The following MED28 variants were observed in gnomAD, a reference collection of about 807,000 sequenced individuals.
The protein encoded by MED28 is mediator of RNA polymerase II transcription subunit 28.
In MED28, 26 loss-of-function variants were observed where a neutral mutation model predicts 21.3. That is an observed-to-expected ratio of 1.22 (90% confidence interval 0.89 to 1.69). The LOEUF is 1.69. MED28 is among the 40% of genes most tolerant of loss of function. The pLI, the probability that MED28 is intolerant of heterozygous loss-of-function variation, is 0.00. For synonymous variants in MED28, 110 were observed against 87.6 expected (o/e 1.26, Z -1.43); for missense variants, 257 against 215.4 (o/e 1.19, Z -1.21).
intron 2 of MED28, among the ~76,000 whole-genome samples, chr4:17,620,470 A>G (rs1714590813): frequency 6.6e-6 from 1 of 151,800 alleles, no homozygotes; most frequent in South Asian, 2.1e-4. Context: ...CGTAGATGGA[A>G]CTACAGGCAT....
At chr4:17,622,941 C>T (rs1288259623) in intron 3 of MED28, among the ~76,000 whole-genome samples, 1 of 152,046 alleles carries the variant, frequency 6.6e-6, no homozygotes, top group African/African-American at 2.4e-5. Context: ...AAGACTTGCC[C>T]CCGTGATTCA....
At position 17,625,648 on chromosome 4, in the gene MED28, GT is replaced by G. The variant is rs1714755061; in HGVS notation, c.*1853del. ...AAATAACAATTTTTCAATCTTCTCT[GT>G]TTGTAGACATCTTACTGGGTGATGA... On this transcript the variant is annotated 3_prime_UTR_variant, in exon 4 of 4. Coordinates refer to ENST00000237380, the MANE Select transcript of MED28 (RefSeq NM_025205.5). The G allele has an allele frequency of 2.2e-6, 1 of 447,384 alleles. No individual in the cohort carries two copies. Among genetic ancestry groups the G allele is most frequent in the South Asian group, 1.6e-5 (1 of 62,574 alleles). 27.7% of individuals were successfully genotyped at this position (447,384 alleles called of 1,614,324 possible). A position where few individuals can be genotyped will look rare whatever the true frequency, so the allele number is the denominator to read the frequency against.
At position 17,632,853 on chromosome 4, in the gene MED28, A is replaced by G. The variant is rs1226544292; in HGVS notation, c.*9055A>G. 1 of 401,180 alleles carries G rather than the reference A, an allele frequency of 2.5e-6. No homozygotes were observed. The allele number at this position is 401,180 out of a possible 1,614,324, so 24.9% of individuals were successfully genotyped here. The stretch of plus-strand genomic sequence containing the variant: ...AAGGTTCACCATTGTTTGGTTCTCC[A>G]TTGTTCCTTTGAGACTTAGTGGTTG... On this transcript the variant is annotated 3_prime_UTR_variant, in exon 4 of 4. Transcript: ENST00000237380.
chr4:17,618,286 C>T (rs997177648), intron 1 of MED28, among the ~76,000 whole-genome samples: 2 of 152,090 alleles, frequency 1.3e-5, no homozygotes, highest in Non-Finnish European at 2.9e-5. Flanking sequence ...TGCTTACAGG[C>T]GTCAGCCACC....
rs1714817521 is a variant in MED28, at chr4:17,628,228, C to T, written c.*4430C>T. The T allele has an allele frequency of 1.3e-5, 2 of 149,064 alleles. No individual in the cohort carries two copies. The highest frequency in any genetic ancestry group is 5.0e-5 in the African/African-American group (2 of 39,724). The allele number at this position is 149,064 out of a possible 1,614,324, so 9.2% of individuals were successfully genotyped here. The stretch of plus-strand genomic sequence containing the variant: ...CACTCACAAAATACCAAACATCCTT[C>T]TGCTGGTTAAAACGAGTGACAGCTG... On this transcript the variant is annotated 3_prime_UTR_variant, in exon 4 of 4. Transcript: ENST00000237380.
Position 17,633,528 on chromosome 4 carries a change from C to T in MED28, c.*9730C>T. On this transcript the variant is annotated 3_prime_UTR_variant, in exon 4 of 4. Transcript: ENST00000237380. ...AGATGGAGTCCACCTTTTGTATAACCCATGCTGAAGTTTTCAGGTAAGTGA... is the reference window on the plus strand; with the variant it reads ...AGATGGAGTCCACCTTTTGTATAACTCATGCTGAAGTTTTCAGGTAAGTGA... The T allele has an allele frequency of 3.3e-6, 2 of 605,882 alleles. No homozygotes were observed. Among genetic ancestry groups the T allele is most frequent in the East Asian group, 3.1e-5 (1 of 31,890 alleles). The allele number at this position is 605,882 out of a possible 1,614,324, so 37.5% of individuals were successfully genotyped here. A position where few individuals can be genotyped will look rare whatever the true frequency, so the allele number is the denominator to read the frequency against.
At position 17,629,250 on chromosome 4, in the gene MED28, A is replaced by C. The variant is rs1475749872; in HGVS notation, c.*5452A>C. The C allele has an allele frequency of 6.6e-6, 1 of 152,414 alleles. No homozygotes were observed. The highest frequency in any genetic ancestry group is 1.9e-4 in the East Asian group (1 of 5,194). 9.4% of individuals were successfully genotyped at this position (152,414 alleles called of 1,614,324 possible). ...TCCGTCTCAAAAACAAACACACAGT[A>C]CTGCATCCTGGGGGTGGAGGTGAGG... On this transcript the variant is annotated 3_prime_UTR_variant, in exon 4 of 4. Coordinates refer to ENST00000237380, the MANE Select transcript of MED28 (RefSeq NM_025205.5).
chr4:17,632,616 A>G lies in MED28; in HGVS notation c.*8818A>G. The G allele has an allele frequency of 6.5e-7, 1 of 1,547,396 alleles. No homozygotes were observed. Among genetic ancestry groups the G allele is most frequent in the Non-Finnish European group, 8.7e-7 (1 of 1,145,572 alleles). On this transcript the variant is annotated 3_prime_UTR_variant, in exon 4 of 4. Coordinates refer to ENST00000237380, the MANE Select transcript of MED28 (RefSeq NM_025205.5). The stretch of plus-strand genomic sequence containing the variant: ...CTTCTTTGGCTTGGGCCGTTTCACC[A>G]TCTGGGGTCCTAAAAGCAAAAAAAG...
intron 2 of MED28, among the ~76,000 whole-genome samples, chr4:17,621,351 A>G (rs1714623752): frequency 6.6e-6 from 1 of 151,710 alleles, no homozygotes; most frequent in South Asian, 2.1e-4. Context: ...CTTTTATGCT[A>G]TATTAATATC....
In MED28 at chr4:17,626,449, C is replaced by T. The variant is rs1264492627; in HGVS notation, c.*2651C>T. ...AGGATTTGAAGTGAGTTTTCACACC[C>T]CTCTTCCCTGGTCAGTGTGTTGATA... On this transcript the variant is annotated 3_prime_UTR_variant, in exon 4 of 4. Coordinates refer to ENST00000237380, the MANE Select transcript of MED28 (RefSeq NM_025205.5). 6.6e-6 allele frequency: 1 copy of T among 152,180 alleles called. No individual in the cohort carries two copies. The highest frequency in any genetic ancestry group is 2.4e-5 in the African/African-American group (1 of 41,422). The allele number at this position is 152,180 out of a possible 1,614,324, so 9.4% of individuals were successfully genotyped here.
At chr4:17,620,699 T>TA (rs1228199922) in intron 2 of MED28, among the ~76,000 whole-genome samples, 2 of 148,192 alleles carry the variant, frequency 1.3e-5, no homozygotes, top group African/African-American at 2.5e-5. Context: ...TCTCTTTTTT[T>TA]TTTTTTTTTT....
chr4:17,618,993 C>A (rs910327489), intron 1 of MED28, among the ~76,000 whole-genome samples: 1 of 152,244 alleles, frequency 6.6e-6, no homozygotes, highest in Non-Finnish European at 1.5e-5. Context: ...GAGCTCAGAT[C>A]TGTCTGCCTC....
chr4:17,624,013 G>T lies in MED28; in HGVS notation c.*215G>T, dbSNP rs988575726. 5.0e-5 allele frequency: 28 copies of T among 557,330 alleles called. No homozygotes were observed. Among genetic ancestry groups the T allele is most frequent in the African/African-American group, 3.8e-4 (20 of 53,016 alleles). 34.5% of individuals were successfully genotyped at this position (557,330 alleles called of 1,614,324 possible). ...TCTGTAGCTTGGATAAACCAAGTAA[G>T]TATTTTTTTTTTGTCTTTAGCAAAG... On this transcript the variant is annotated 3_prime_UTR_variant, in exon 4 of 4. Transcript: ENST00000237380.
chr4:17,632,476 A>C lies in MED28; in HGVS notation c.*8678A>C. The C allele has an allele frequency of 7.4e-7, 1 of 1,360,102 alleles. No individual in the cohort carries two copies. The highest frequency in any genetic ancestry group is 1.5e-5 in the African/African-American group (1 of 68,830). 84.3% of individuals were successfully genotyped at this position (1,360,102 alleles called of 1,614,324 possible). On this transcript the variant is annotated 3_prime_UTR_variant, in exon 4 of 4. Coordinates refer to ENST00000237380, the MANE Select transcript of MED28 (RefSeq NM_025205.5). The stretch of plus-strand genomic sequence containing the variant: ...GGTGTTAGTTCATTCCTTCAATCGG[A>C]TGATTTAAAATAAATGTTTTTCAAG...
chr4:17,619,867 A>T (rs766755064), intron 1 of MED28, 34 bp from the exon 2 acceptor site: 88 of 1,592,598 alleles, frequency 5.5e-5, no homozygotes, highest in Non-Finnish European at 7.4e-5. Context: ...TGTATAAATG[A>T]TATTTTTTTC....
At position 17,623,983 on chromosome 4, in the gene MED28, A is replaced by G; in HGVS notation, c.*185A>G. On this transcript the variant is annotated 3_prime_UTR_variant, in exon 4 of 4. Coordinates refer to ENST00000237380, the MANE Select transcript of MED28 (RefSeq NM_025205.5). ...CTGTTAATTTCTTGAGTACTTTATA[A>G]CATGTCTGTAGCTTGGATAAACCAA... 1.6e-6 allele frequency: 1 copy of G among 643,336 alleles called. No individual in the cohort carries two copies. The highest frequency in any genetic ancestry group is 2.8e-5 in the East Asian group (1 of 36,102). 39.9% of individuals were successfully genotyped at this position (643,336 alleles called of 1,614,324 possible). A position where few individuals can be genotyped will look rare whatever the true frequency, so the allele number is the denominator to read the frequency against.
rs368263511 is a variant in MED28, at chr4:17,633,807, C to A, written c.*10009C>A. On this transcript the variant is annotated 3_prime_UTR_variant, in exon 4 of 4. Transcript: ENST00000237380. ...GGGGCATTAATCCTGGAACTCAGAT[C>A]GCCACTCAGAAAGTTCTTTGCATAG... 43 of 1,551,452 alleles carry A rather than the reference C, an allele frequency of 2.8e-5. No homozygotes were observed. Among genetic ancestry groups the A allele is most frequent in the Non-Finnish European group, 3.7e-5 (42 of 1,146,976 alleles).
chr4:17,633,598 AATTTGGTACCAGGTGCT>A lies in MED28; in HGVS notation c.*9802_*9818del. Reference sequence around the variant, plus strand: ...TCATCCATGAAAAAAGGCCTTCTGGAATTTGGTACCAGGTGCTAGAAAGAATCCTACTTCCCCTCTTA... The same window carrying A: ...TCATCCATGAAAAAAGGCCTTCTGGAAGAAAGAATCCTACTTCCCCTCTTA... On this transcript the variant is annotated 3_prime_UTR_variant, in exon 4 of 4. Transcript: ENST00000237380. 3 of 1,204,728 alleles carry A rather than the reference AATTTGGTACCAGGTGCT, an allele frequency of 2.5e-6. No individual in the cohort carries two copies. The East Asian group carries it at 8.8e-5, about 35-fold the overall frequency. The allele number at this position is 1,204,728 out of a possible 1,614,324, so 74.6% of individuals were successfully genotyped here. A position where few individuals can be genotyped will look rare whatever the true frequency, so the allele number is the denominator to read the frequency against.
intron 1 of MED28, among the ~76,000 whole-genome samples, chr4:17,615,459 A>C (rs1176930986): frequency 6.6e-6 from 1 of 152,222 alleles, no homozygotes; most frequent in Non-Finnish European, 1.5e-5. Context: ...AAGATGAGCT[A>C]TTCCTGTGTA....
Sources: gnomAD v4.1 joint callset for allele counts (sites outside exome capture counted in the v4.1 genomes callset) on GRCh38, gnomAD v4.1.1 for gene constraint, MANE v1.5 for transcripts, NCBI Gene and HGNC (gene_info 2026-07-23, HGNC 2026-07-21) for gene names.